Variants in ZRANB1 observed in about 807,000 individuals in gnomAD.
ZRANB1 encodes the protein zinc finger RANBP2-type containing 1.
A neutral mutation model predicts 80.5 loss-of-function variants in ZRANB1; 16 were observed. The observed-to-expected ratio is 0.20, with a 90% confidence interval of 0.13 to 0.30. The LOEUF (loss-of-function observed/expected upper bound fraction) is 0.30, where lower values mean the gene tolerates loss of function less well. ZRANB1 is among the 10% of genes least tolerant of loss of function. ZRANB1 has a pLI of 1.00. For synonymous variants in ZRANB1, 291 were observed against 293.1 expected (o/e 0.99, Z 0.07); for missense variants, 576 against 862.6 (o/e 0.67, Z 4.16).
chr10:124,975,183 C>A (rs964808468), intron 5 of ZRANB1, among the ~76,000 whole-genome samples: 1 of 152,076 alleles, frequency 6.6e-6, no homozygotes, highest in Non-Finnish European at 1.5e-5. Flanking sequence ...CTTAAGATCA[C>A]ATTTTTTATT....
intron 2 of ZRANB1, among the ~76,000 whole-genome samples, chr10:124,968,713 A>C (rs1951796456): frequency 2.0e-5 from 3 of 152,158 alleles, no homozygotes; most frequent in Admixed American, 1.3e-4. Flanking sequence ...GTTGTGAACT[A>C]GGGTGAAAGT....
intron 5 of ZRANB1, among the ~76,000 whole-genome samples, chr10:124,980,865 TC>T (rs1475250479): frequency 6.6e-6 from 1 of 152,224 alleles, no homozygotes; most frequent in African/African-American, 2.4e-5. Flanking sequence ...TCCTTCAGCT[TC>T]CCAAAGTGCT....
chr10:124,986,289 G>GCACACACACACACACACACA lies in ZRANB1; in HGVS notation c.*1298_*1299insACACACACACACACACACAC, dbSNP rs1348841236. 1.8e-4 allele frequency: 19 copies of GCACACACACACACACACACA among 108,358 alleles called. No homozygotes were observed. Among genetic ancestry groups the GCACACACACACACACACACA allele is most frequent in the African/African-American group, 6.5e-4 (18 of 27,546 alleles). The allele number at this position is 108,358 out of a possible 1,614,324, so 6.7% of individuals were successfully genotyped here. ...AAAGACGACACACGCACGCGCGCGC[G>GCACACACACACACACACACA]CGCACACACACACACACACACACAC... is the stretch of plus-strand genomic sequence containing the variant. On this transcript the variant is annotated 3_prime_UTR_variant, in exon 9 of 9. Coordinates refer to ENST00000359653, the MANE Select transcript of ZRANB1 (RefSeq NM_017580.3).
At chr10:124,969,679 C>G (rs1416764004) in intron 2 of ZRANB1, among the ~76,000 whole-genome samples, 1 of 152,088 alleles carries the variant, frequency 6.6e-6, no homozygotes, top group African/African-American at 2.4e-5. Context: ...TACCAAAATA[C>G]TAAACTAAAT....
the ZRANB1 span, among the ~76,000 whole-genome samples, chr10:124,932,756 T>C: frequency 6.6e-6 from 1 of 152,094 alleles, no homozygotes; most frequent in Non-Finnish European, 1.5e-5. Context: ...AGAGACAGGG[T>C]TTCACCATGT....
chr10:124,956,571 C>T (rs7079521), intron 1 of ZRANB1, among the ~76,000 whole-genome samples: 90,190 of 152,046 alleles, frequency 0.59, 30,444 homozygotes, highest in Non-Finnish European at 0.75. Context: ...CAGGCTCCAG[C>T]GATTCTTGTG....
At chr10:124,962,666 C>T (rs776961671) in intron 1 of ZRANB1, among the ~76,000 whole-genome samples, 2 of 150,162 alleles carry the variant, frequency 1.3e-5, no homozygotes, top group African/African-American at 2.5e-5. Flanking sequence ...GCCCAGCTTA[C>T]GGAATAATAT....
In ZRANB1 at chr10:124,986,177, A is replaced by G. The variant is rs1952029248; in HGVS notation, c.*1185A>G. ...TTCAGGTATACATTCAATACTGGGT[A>G]AAAATTTCAGACCTATCTCAGGAAC... On this transcript the variant is annotated 3_prime_UTR_variant, in exon 9 of 9. Transcript: ENST00000359653. 6.6e-6 allele frequency: 1 copy of G among 152,530 alleles called. No homozygotes were observed. Among genetic ancestry groups the G allele is most frequent in the South Asian group, 2.1e-4 (1 of 4,826 alleles). 9.4% of individuals were successfully genotyped at this position (152,530 alleles called of 1,614,324 possible).
chr10:124,944,043 T>C (rs1316100614), intron 1 of ZRANB1, among the ~76,000 whole-genome samples: 1 of 152,234 alleles, frequency 6.6e-6, no homozygotes, highest in African/African-American at 2.4e-5. Context: ...CTTCAAGTTA[T>C]GGTTCATATG....
At position 124,942,729 on chromosome 10, in the gene ZRANB1, C is replaced by T. The variant is rs144481013; in HGVS notation, c.236C>T (p.Ser79Leu). ...DSSARPRVKSSYSMENANKWS... is the reference protein window; with the variant it reads ...DSSARPRVKSLYSMENANKWS... ...AGTGCAAGACCAAGGGTGAAATCTTCGTATAGCATGGAAAATGCAAATAAG... is the reference window on the plus strand; with the variant it reads ...AGTGCAAGACCAAGGGTGAAATCTTTGTATAGCATGGAAAATGCAAATAAG... The change falls in exon 1 of 9, where the codon TCG becomes TTG. Residue 79 changes from serine (S) to leucine (L), a missense_variant. Ser to Leu is a moderately radical substitution (Grantham distance 145). Coordinates refer to ENST00000359653, the MANE Select transcript of ZRANB1 (RefSeq NM_017580.3). The T allele has an allele frequency of 5.0e-6, 8 of 1,614,050 alleles. No individual in the cohort carries two copies. Among genetic ancestry groups the T allele is most frequent in the East Asian group, 2.2e-5 (1 of 44,900 alleles).
chr10:124,963,564 T>G (rs1307831240), intron 1 of ZRANB1, among the ~76,000 whole-genome samples: 47 of 139,854 alleles, frequency 3.4e-4, no homozygotes, highest in African/African-American at 5.9e-4. Context: ...GTTTTTTTTT[T>G]TTTTTTTTTT....
chr10:124,983,578 C>T lies in ZRANB1; in HGVS notation c.1798C>T (p.Arg600Ter). 6.2e-7 allele frequency: 1 copy of T among 1,614,070 alleles called. No homozygotes were observed. The highest frequency in any genetic ancestry group is 8.5e-7 in the Non-Finnish European group (1 of 1,180,000). ...VAMENDGYGN[R>*]GAGANLNTDD... Reference sequence around the variant, plus strand: ...CATGGAAAATGATGGCTATGGCAACCGAGGTGCTGGTGCTAATCTCAATAC... The same window carrying T: ...CATGGAAAATGATGGCTATGGCAACTGAGGTGCTGGTGCTAATCTCAATAC... Residue 600 changes from arginine (R) to a stop codon, truncating the protein, a stop_gained, in exon 8 of 9, where the codon CGA becomes TGA. Transcript: ENST00000359653. LOFTEE classifies it high-confidence loss of function. The surrounding 1 kb of genome is among the most constrained non-coding windows in gnomAD (Gnocchi z 6.2).
chr10:124,943,666 C>T (rs1304347319), intron 1 of ZRANB1, among the ~76,000 whole-genome samples: 3 of 152,100 alleles, frequency 2.0e-5, no homozygotes, highest in Non-Finnish European at 4.4e-5. Flanking sequence ...TACTAAATTG[C>T]CCACAATTAA....
At position 124,983,080 on chromosome 10, in the gene ZRANB1, G is replaced by T. The variant is rs758450396; in HGVS notation, c.1549-95G>T. Reference sequence around the variant, plus strand: ...CTTTTCTTTCTTAAAAACCAACTGCGATAGTATACTGAAGGGGAGGTAGTA... The same window carrying T: ...CTTTTCTTTCTTAAAAACCAACTGCTATAGTATACTGAAGGGGAGGTAGTA... On this transcript the variant is annotated intron_variant, in intron 6 of 8. Coordinates refer to ENST00000359653, the MANE Select transcript of ZRANB1 (RefSeq NM_017580.3). The surrounding 1 kb of genome is among the most constrained non-coding windows in gnomAD (Gnocchi z 6.2). 12 of 1,289,860 alleles carry T rather than the reference G, an allele frequency of 9.3e-6. No individual in the cohort carries two copies. Among genetic ancestry groups the T allele is most frequent in the Non-Finnish European group, 2.1e-6 (2 of 953,746 alleles). 79.9% of individuals were successfully genotyped at this position (1,289,860 alleles called of 1,614,324 possible). A position where few individuals can be genotyped will look rare whatever the true frequency, so the allele number is the denominator to read the frequency against.
chr10:124,979,049 CAAT>C (rs1414089097), intron 5 of ZRANB1, among the ~76,000 whole-genome samples: 3 of 152,070 alleles, frequency 2.0e-5, no homozygotes, highest in African/African-American at 7.2e-5. Context: ...AAGAAAAACA[CAAT>C]GAGATACTAC....
the ZRANB1 span, among the ~76,000 whole-genome samples, chr10:124,919,916 C>G: frequency 2.5e-5 from 3 of 121,354 alleles, no homozygotes; most frequent in Admixed American, 7.9e-5. Flanking sequence ...CGGCCCCCCC[C>G]CCCCCTTTTT....
At chr10:124,937,183 A>ATTTTT (rs35095657), upstream of ZRANB1, among the ~76,000 whole-genome samples, 1 of 93,986 alleles carries the variant, frequency 1.1e-5, no homozygotes, top group African/African-American at 3.6e-5. Context: ...ATTTGTGTGT[A>ATTTTT]TTTTTTTTTT....
At chr10:124,972,876 C>G (rs1176340571) in intron 3 of ZRANB1, among the ~76,000 whole-genome samples, 1 of 151,710 alleles carries the variant, frequency 6.6e-6, no homozygotes, top group Non-Finnish European at 1.5e-5. Flanking sequence ...CTTCTGGGCT[C>G]AAGTGATCTC....
chr10:124,959,720 A>ATC (rs537068645), intron 1 of ZRANB1, among the ~76,000 whole-genome samples: 83 of 152,316 alleles, frequency 5.4e-4, no homozygotes, highest in South Asian at 1.9e-3. Flanking sequence ...TTGGGCTTCC[A>ATC]AAGTGCTCAG....
Sources: allele counts gnomAD v4.1 joint callset (sites outside exome capture counted in the v4.1 genomes callset), GRCh38; gene constraint gnomAD v4.1.1; non-coding constraint Gnocchi (gnomAD v3.1); transcripts MANE v1.5; gene names NCBI Gene and HGNC (gene_info 2026-07-23, HGNC 2026-07-21).